The following DAB1 variants were observed in gnomAD, a reference collection of about 807,000 sequenced individuals.
The protein encoded by DAB1 is DAB adaptor protein 1.
Under a neutral mutation model 64.6 loss-of-function variants are expected in DAB1, and 15 were observed. That is an observed-to-expected ratio of 0.23 (90% CI 0.16 to 0.36). The LOEUF (loss-of-function observed/expected upper bound fraction) is 0.36, where lower values mean the gene tolerates loss of function less well. Among genes scored for constraint, DAB1 ranks in the 10% least tolerant of loss-of-function variants. The pLI is 1.00. For synonymous variants in DAB1, 235 were observed against 251.9 expected, an observed-to-expected ratio of 0.93 and a Z score of 0.64; for missense variants, 596 against 706.7, an observed-to-expected ratio of 0.84 and a Z score of 1.78.
intron 2 of DAB1, among the ~76,000 whole-genome samples, chr1:57,272,253 A>T (rs12136813): frequency 0.12 from 17,580 of 152,180 alleles, 1,237 homozygotes; most frequent in East Asian, 0.37. Context: ...CATAAAGTAG[A>T]ACCACACGCC....
intron 5 of DAB1, among the ~76,000 whole-genome samples, chr1:58,088,954 A>T (rs757789126): frequency 1.6e-4 from 24 of 152,260 alleles, no homozygotes; most frequent in Non-Finnish European, 3.1e-4. Flanking sequence ...AAGGCAGCAC[A>T]GTGGAGAAGA....
intron 7 of DAB1, among the ~76,000 whole-genome samples, chr1:57,521,880 C>T (rs1031862957): frequency 2.6e-5 from 4 of 152,032 alleles, no homozygotes; most frequent in East Asian, 1.9e-4. Context: ...GTGGCTGAGG[C>T]GGGCGGATCA....
At chr1:58,369,181 G>A (rs1199789842) in intron 3 of DAB1, among the ~76,000 whole-genome samples, 1 of 152,132 alleles carries the variant, frequency 6.6e-6, no homozygotes, top group Non-Finnish European at 1.5e-5. Context: ...TTATTTTGTA[G>A]AGGCCCTTTA....
At chr1:57,601,366 G>C (rs559846871) in intron 7 of DAB1, among the ~76,000 whole-genome samples, 101 of 152,292 alleles carry the variant, frequency 6.6e-4, no homozygotes, top group African/African-American at 2.3e-3. Flanking sequence ...TTGAGGCCAG[G>C]AGTTCAAGAC....
At chr1:57,851,071 T>C (rs1398422510) in intron 1 of DAB1, among the ~76,000 whole-genome samples, 4 of 152,194 alleles carry the variant, frequency 2.6e-5, no homozygotes, top group Non-Finnish European at 5.9e-5. Context: ...TTAATTATGG[T>C]TTAAACATAG....
chr1:58,381,146 G>A (rs1406482676), intron 3 of DAB1, among the ~76,000 whole-genome samples: 1 of 152,124 alleles, frequency 6.6e-6, no homozygotes, highest in Non-Finnish European at 1.5e-5. Flanking sequence ...GCCTGTCTCA[G>A]GGGGAAAAGT....
intron 6 of DAB1, among the ~76,000 whole-genome samples, chr1:57,661,330 G>A (rs1646383994): frequency 6.6e-6 from 1 of 152,166 alleles, no homozygotes; most frequent in Non-Finnish European, 1.5e-5. Flanking sequence ...GTGTAATCTT[G>A]ACTATTATAC....
intron 7 of DAB1, among the ~76,000 whole-genome samples, chr1:57,495,734 G>C (rs1431391090): frequency 1.3e-5 from 2 of 152,162 alleles, no homozygotes; most frequent in Non-Finnish European, 2.9e-5. Context: ...CTTAGTACTA[G>C]TGAGTCCATA....
chr1:57,155,132 G>A (rs1482971219), intron 2 of DAB1, among the ~76,000 whole-genome samples: 3 of 152,158 alleles, frequency 2.0e-5, no homozygotes, highest in African/African-American at 7.2e-5. Context: ...TTTCTCCAAT[G>A]TTTTCTTGTA....
At chr1:57,847,340 A>G (rs1391277648) in intron 1 of DAB1, among the ~76,000 whole-genome samples, 1 of 152,188 alleles carries the variant, frequency 6.6e-6, no homozygotes, top group Non-Finnish European at 1.5e-5. Context: ...AAAACAAAGG[A>G]AGTCCCAAGA....
intron 5 of DAB1, among the ~76,000 whole-genome samples, chr1:57,927,962 A>AT (rs1173630942): frequency 6.6e-6 from 1 of 152,070 alleles, no homozygotes; most frequent in Middle Eastern, 3.2e-3. Context: ...AATCCATGTT[A>AT]TTTTTTCATG....
intron 7 of DAB1, among the ~76,000 whole-genome samples, chr1:57,626,642 A>G (rs1224104269): frequency 1.3e-5 from 2 of 152,152 alleles, no homozygotes; most frequent in Admixed American, 6.5e-5. Context: ...TTTATTTTTC[A>G]TAGTTCTGGA....
At position 58,372,853 on chromosome 1, in the gene DAB1, T is replaced by C. The variant is rs752528951; in HGVS notation, n.258-29450A>G. ...GCTTTCCATTCACCTTCCATCATGA[T>C]TGCAAGTTTCCTGAGAACTCCCCAC... On this transcript the variant is annotated intron_variant and non_coding_transcript_variant, in intron 3 of 20. Transcript: ENST00000485760. Among the ~76,000 whole-genome samples the C allele has an allele frequency of 2.1e-4, 32 of 152,204 alleles. 1 individual carries two copies. Among genetic ancestry groups the C allele is most frequent in the Non-Finnish European group, 2.8e-4 (19 of 68,042 alleles).
At chr1:58,191,926 AT>A (rs1657409924) in intron 4 of DAB1, among the ~76,000 whole-genome samples, 2 of 152,240 alleles carry the variant, frequency 1.3e-5, no homozygotes, top group African/African-American at 4.8e-5. Context: ...TGCAATAAAA[AT>A]ACCACTGTGG....
intron 7 of DAB1, among the ~76,000 whole-genome samples, chr1:57,620,449 A>G (rs1483428959): frequency 6.6e-6 from 1 of 152,262 alleles, no homozygotes; most frequent in Non-Finnish European, 1.5e-5. Flanking sequence ...AAAAATGCTT[A>G]TTAAACAGAT....
rs553822504 is a variant in DAB1 at position 58,201,238 on chromosome 1, G to A, written n.310-50650C>T. 4.0e-4 allele frequency among the ~76,000 whole-genome samples: 61 copies of A among 152,062 alleles called. 1 individual carries two copies. The highest frequency in any genetic ancestry group is 7.5e-4 in the Non-Finnish European group (51 of 67,996). On this transcript the variant is annotated intron_variant and non_coding_transcript_variant, in intron 4 of 20. Transcript: ENST00000485760. ...TCACTGTGTTAGCCAGGATGGTCTC[G>A]ATCTCCTGACCTCGTGATCTGCCTG...
intron 4 of DAB1, among the ~76,000 whole-genome samples, chr1:58,203,650 G>A (rs1658112797): frequency 6.6e-6 from 1 of 152,178 alleles, no homozygotes; most frequent in African/African-American, 2.4e-5. Context: ...AATGGGTGGG[G>A]CCCGCATTTC....
intron 2 of DAB1, among the ~76,000 whole-genome samples, chr1:58,519,752 T>A (rs138202122): frequency 2.8e-4 from 43 of 152,048 alleles, no homozygotes; most frequent in African/African-American, 9.6e-4. Context: ...TTTAAAAAAA[T>A]ATATGATTAA....
chr1:57,910,171 C>T (rs867101009), intron 5 of DAB1, among the ~76,000 whole-genome samples: 1 of 152,210 alleles, frequency 6.6e-6, no homozygotes, highest in African/African-American at 2.4e-5. Flanking sequence ...CCGTATTCAT[C>T]ACTTGTCTGT....
Sources: allele counts gnomAD v4.1 joint callset (sites outside exome capture counted in the v4.1 genomes callset), GRCh38; gene constraint gnomAD v4.1.1; transcripts MANE v1.5; gene names NCBI Gene and HGNC (gene_info 2026-07-23, HGNC 2026-07-21).